The following RALYL variants were observed in gnomAD, a reference collection of about 807,000 sequenced individuals.
RALYL encodes the protein RNA-binding Raly-like protein.
Under a neutral mutation model 35.1 loss-of-function variants are expected in RALYL, and 29 were observed. The observed-to-expected ratio is 0.83, with a 90% CI of 0.61 to 1.13. The LOEUF (loss-of-function observed/expected upper bound fraction) is 1.13, where lower values mean the gene tolerates loss of function less well. Among genes scored for constraint, RALYL ranks in the 50% most tolerant of loss-of-function variants. The pLI is 0.00. For missense variants in RALYL, 359 were observed against 360.4 expected (o/e 1.00, Z 0.03); for synonymous variants, 120 against 127.6 (o/e 0.94, Z 0.40).
chr8:84,881,495 CAT>C (rs1333939150), intron 7 of RALYL, among the ~76,000 whole-genome samples: 3 of 151,934 alleles, frequency 2.0e-5, no homozygotes, highest in Non-Finnish European at 4.4e-5. Flanking sequence ...AACCAATTTT[CAT>C]AGTTATATTA....
chr8:84,467,129 T>A (rs1368225402), intron 1 of RALYL, among the ~76,000 whole-genome samples: 1 of 152,166 alleles, frequency 6.6e-6, no homozygotes, highest in Non-Finnish European at 1.5e-5. Context: ...GGGTTTTTTG[T>A]GTCACTATTT....
intron 2 of RALYL, among the ~76,000 whole-genome samples, chr8:84,752,216 T>G (rs954295681): frequency 1.3e-5 from 2 of 152,236 alleles, no homozygotes; most frequent in African/African-American, 4.8e-5. Flanking sequence ...ATTGTGCTCC[T>G]GCTCTAGGGA....
chr8:84,186,190 A>G (rs1375209887), intron 1 of RALYL, among the ~76,000 whole-genome samples: 2 of 152,194 alleles, frequency 1.3e-5, no homozygotes, highest in African/African-American at 4.8e-5. Flanking sequence ...CATATTTGAT[A>G]TCTTGAGGTG....
Position 84,394,258 on chromosome 8 carries a change from G to A in RALYL, c.-23-135041G>A, listed in dbSNP as rs1447549626. Among the ~76,000 whole-genome samples, 4 of 151,994 alleles carry A rather than the reference G, an allele frequency of 2.6e-5. No homozygotes were observed. The East Asian group carries it at 7.7e-4, about 29-fold the overall frequency. On this transcript the variant is annotated intron_variant, in intron 1 of 8. Coordinates refer to ENST00000521268, the MANE Select transcript of RALYL (RefSeq NM_173848.7). ...CAGGTGTAGCTTGTTCCATGCAAAA[G>A]GAATCAAGATTATTACTAGTGATGT...
intron 4 of RALYL, among the ~76,000 whole-genome samples, chr8:84,826,442 C>T (rs1303684072): frequency 6.6e-6 from 1 of 152,014 alleles, no homozygotes; most frequent in Non-Finnish European, 1.5e-5. Context: ...CCAGCCTGTT[C>T]TCCTGCTCTT....
intron 1 of RALYL, among the ~76,000 whole-genome samples, chr8:84,521,840 A>G (rs2058483749): frequency 6.6e-6 from 1 of 152,124 alleles, no homozygotes; most frequent in Non-Finnish European, 1.5e-5. Context: ...TTATATATTT[A>G]TTTTTGCTTT....
chr8:84,627,410 A>C (rs1443611570), intron 2 of RALYL, among the ~76,000 whole-genome samples: 1 of 146,084 alleles, frequency 6.8e-6, no homozygotes, highest in Non-Finnish European at 1.5e-5. Context: ...TTAATTTTAC[A>C]GTCATCTAGT....
intron 2 of RALYL, among the ~76,000 whole-genome samples, chr8:84,758,225 T>C (rs1441746871): frequency 6.6e-6 from 1 of 152,192 alleles, no homozygotes; most frequent in Non-Finnish European, 1.5e-5. Context: ...TTCTCATAGC[T>C]TTCCAATGGA....
intron 5 of RALYL, among the ~76,000 whole-genome samples, chr8:84,854,055 A>C (rs1836441263): frequency 6.6e-6 from 1 of 152,196 alleles, no homozygotes; most frequent in Non-Finnish European, 1.5e-5. Context: ...AGTAACCATT[A>C]ACAATAATGG....
chr8:84,624,457 TTCA>T (rs1413130506), intron 2 of RALYL, among the ~76,000 whole-genome samples: 2 of 152,182 alleles, frequency 1.3e-5, no homozygotes, highest in African/African-American at 4.8e-5. Context: ...GGCCCCCTTT[TTCA>T]TCTTCAATGC....
chr8:84,653,268 G>C (rs1262793785), intron 2 of RALYL, among the ~76,000 whole-genome samples: 1 of 151,964 alleles, frequency 6.6e-6, no homozygotes, highest in East Asian at 1.9e-4. Context: ...GTTATTTCTA[G>C]TCAAAAGAGT....
chr8:84,195,694 G>A (rs773846012), intron 1 of RALYL, among the ~76,000 whole-genome samples: 1 of 152,058 alleles, frequency 6.6e-6, no homozygotes, highest in Admixed American at 6.6e-5. Flanking sequence ...TATTACTCTC[G>A]TTCCATTGTA....
intron 3 of RALYL, among the ~76,000 whole-genome samples, chr8:84,802,129 T>C (rs1448570791): frequency 6.6e-6 from 1 of 152,208 alleles, no homozygotes; most frequent in Non-Finnish European, 1.5e-5. Context: ...CTTGTTGCCG[T>C]AGCACAAAGC....
chr8:84,604,779 A>T (rs561898143), intron 2 of RALYL, among the ~76,000 whole-genome samples: 14 of 152,126 alleles, frequency 9.2e-5, no homozygotes, highest in Non-Finnish European at 1.9e-4. Flanking sequence ...CTTAACTGTC[A>T]GGTTTCCTGT....
chr8:84,878,312 C>T (rs1841555024), intron 7 of RALYL, among the ~76,000 whole-genome samples: 1 of 152,118 alleles, frequency 6.6e-6, no homozygotes, highest in African/African-American at 2.4e-5. Flanking sequence ...CCTGACTCAG[C>T]TACCACAGCA....
chr8:84,511,576 T>G (rs1587879780), intron 1 of RALYL, among the ~76,000 whole-genome samples: 1 of 152,182 alleles, frequency 6.6e-6, no homozygotes, highest in African/African-American at 2.4e-5. Context: ...TTCTACTAGC[T>G]CTTTTGAAAT....
intron 1 of RALYL, among the ~76,000 whole-genome samples, chr8:84,261,456 C>T (rs924160984): frequency 3.9e-5 from 6 of 152,244 alleles, no homozygotes; most frequent in African/African-American, 1.4e-4. Flanking sequence ...CTGCACTTCT[C>T]CTTGCATCTA....
intron 2 of RALYL, among the ~76,000 whole-genome samples, chr8:84,547,954 A>G (rs906774546): frequency 2.6e-5 from 4 of 151,880 alleles, no homozygotes; most frequent in Non-Finnish European, 1.5e-5. Flanking sequence ...TTTATCCTCA[A>G]AGTTGTAGCC....
chr8:84,696,856 T>G (rs960946302), intron 2 of RALYL, among the ~76,000 whole-genome samples: 5 of 152,008 alleles, frequency 3.3e-5, no homozygotes, highest in African/African-American at 4.8e-5. Context: ...TTGAAACACA[T>G]ATAAGAGGTC....
Sources: gnomAD v4.1 joint callset for allele counts (sites outside exome capture counted in the v4.1 genomes callset) on GRCh38, gnomAD v4.1.1 for gene constraint, MANE v1.5 for transcripts, NCBI Gene and HGNC (gene_info 2026-07-23, HGNC 2026-07-21) for gene names.